Variants in LPA observed in about 807,000 individuals in gnomAD.
LPA encodes the protein apolipoprotein(a).
LPA carries 199 observed loss-of-function variants against 197.9 expected under a neutral mutation model. That is an observed-to-expected ratio of 1.01 (90% CI 0.90 to 1.13). LPA has a LOEUF of 1.13. LPA is among the 50% of genes most tolerant of loss of function. LPA has a pLI of 0.00. For missense variants in LPA, 1,853 were observed against 1,785.8 expected (o/e 1.04, Z -0.68); for synonymous variants, 715 against 639.5 (o/e 1.12, Z -1.78).
At chr6:160,610,683 G>C (rs1439227892) in intron 16 of LPA, among the ~76,000 whole-genome samples, 2 of 152,050 alleles carry the variant, frequency 1.3e-5, no homozygotes, top group Non-Finnish European at 2.9e-5. Flanking sequence ...AGCGGACCTA[G>C]AAAATACCAG....
At chr6:160,534,974 G>T (rs959893478) in intron 37 of LPA, among the ~76,000 whole-genome samples, 1 of 150,808 alleles carries the variant, frequency 6.6e-6, no homozygotes, top group Non-Finnish European at 1.5e-5. Flanking sequence ...GATGATGGTG[G>T]TGCTGGTGAT....
rs7755463 is a variant in LPA at position 160,591,238 on chromosome 6, C to T, written c.3630-137G>A. The T allele has an allele frequency of 0.024, 26,855 of 1,105,236 alleles. 4,015 individuals are homozygous for T. In the African/African-American group the frequency reaches 0.35, roughly 14 times the overall value. 68.5% of individuals were successfully genotyped at this position (1,105,236 alleles called of 1,614,324 possible). A position where few individuals can be genotyped will look rare whatever the true frequency, so the allele number is the denominator to read the frequency against. On this transcript the variant is annotated intron_variant, in intron 22 of 38. Coordinates refer to ENST00000316300, the MANE Select transcript of LPA (RefSeq NM_005577.4). Reference sequence around the variant, plus strand: ...CTCACTAAAGGTCCTGTAACAATCACAAATCGTCCTCAACTTCTAAACAAC... The same window carrying T: ...CTCACTAAAGGTCCTGTAACAATCATAAATCGTCCTCAACTTCTAAACAAC...
intron 18 of LPA, among the ~76,000 whole-genome samples, chr6:160,602,533 C>T (rs1238595287): frequency 2.0e-5 from 3 of 152,158 alleles, no homozygotes; most frequent in African/African-American, 4.8e-5. Context: ...GAAATTTGAT[C>T]AAGAAAATAT....
chr6:160,576,390 G>GTATATATA (rs140486548), intron 28 of LPA, among the ~76,000 whole-genome samples: 5 of 46,106 alleles, frequency 1.1e-4, no homozygotes, highest in Non-Finnish European at 1.6e-4. Context: ...ATATATATAT[G>GTATATATA]TATATATATA....
intron 36 of LPA, among the ~76,000 whole-genome samples, chr6:160,539,616 T>C (rs1401330239): frequency 6.6e-6 from 1 of 152,108 alleles, no homozygotes; most frequent in East Asian, 1.9e-4. Flanking sequence ...GTCAGCCTCC[T>C]GAATAGCAGT....
intron 28 of LPA, among the ~76,000 whole-genome samples, chr6:160,559,235 A>G (rs1263599245): frequency 6.6e-6 from 1 of 152,218 alleles, no homozygotes; most frequent in Non-Finnish European, 1.5e-5. Context: ...TTCAACAGAA[A>G]TTAGTTTTTC....
Position 160,606,519 on chromosome 6 carries a change from T to A in LPA, c.2743A>T (p.Thr915Ser), listed in dbSNP as rs200163192. The A allele has an allele frequency of 7.0e-5, 113 of 1,613,540 alleles. No individual in the cohort carries two copies. In the African/African-American group the frequency reaches 1.4e-3, roughly 19 times the overall value. ...DAEGTAVAPPTITPIPSLEAP... is the reference protein window; with the variant it reads ...DAEGTAVAPPSITPIPSLEAP... ...TCTAGGCTTGGAATCGGGGTAATAGTTGGAGGCGCGACGGCAGTCCCTTCT... is the reference window on the plus strand; with the variant it reads ...TCTAGGCTTGGAATCGGGGTAATAGATGGAGGCGCGACGGCAGTCCCTTCT... Residue 915 changes from threonine (T) to serine (S), a missense_variant, in exon 17 of 39, where the codon ACT becomes TCT. Thr to Ser is a moderately conservative substitution (Grantham distance 58, BLOSUM62 1). This residue lies in a region of LPA where 1,737 missense variants were observed against 1,504.4 expected (regional missense o/e 1.15). Transcript: ENST00000316300.
At chr6:160,547,640 G>A in intron 32 of LPA, 149 bp downstream of exon 32, 3 of 1,015,078 alleles carry the variant, frequency 3.0e-6, no homozygotes, top group East Asian at 2.5e-5. Flanking sequence ...CACGCGTGGG[G>A]CTTTGCTGGC....
At chr6:160,534,587 A>C (rs1332847107) in intron 37 of LPA, among the ~76,000 whole-genome samples, 1 of 152,196 alleles carries the variant, frequency 6.6e-6, no homozygotes, top group Non-Finnish European at 1.5e-5. Context: ...GGACACATGA[A>C]GGGGAGAGGG....
At position 160,633,773 on chromosome 6, in the gene LPA, G is replaced by A; in HGVS notation, c.1215C>T (p.Thr405=). Residue 405 remains threonine, a synonymous_variant, in exon 8 of 39, where the codon ACC becomes ACT. Coordinates refer to ENST00000316300, the MANE Select transcript of LPA (RefSeq NM_005577.4). The part of the protein sequence containing the change: ...SSMTPHSHSR[T]PEYYPNAGLI... The stretch of plus-strand genomic sequence containing the variant: ...CATACGCATTTGGGTAGTATTCTGG[G>A]GTCCGACTATGCGAGTGTGGTGTCA... 1.5e-6 allele frequency: 2 copies of A among 1,309,830 alleles called. 1 individual carries two copies. Among genetic ancestry groups the A allele is most frequent in the Non-Finnish European group, 2.1e-6 (2 of 956,530 alleles). The allele number at this position is 1,309,830 out of a possible 1,614,324, so 81.1% of individuals were successfully genotyped here.
chr6:160,626,450 TTGTGTGTGTGTG>T (rs141731887), intron 10 of LPA, among the ~76,000 whole-genome samples: 1 of 107,962 alleles, frequency 9.3e-6, no homozygotes, highest in South Asian at 3.0e-4. Flanking sequence ...TGTTTTCAGT[TTGTGTGTGTGTG>T]TGTGTGTGTG....
chr6:160,556,111 G>A lies in LPA; in HGVS notation c.4887C>T (p.Ser1629=). Residue 1629 remains serine (S), a synonymous_variant, in exon 30 of 39, where the codon TCC becomes TCT. Transcript: ENST00000316300. Reference sequence around the variant, plus strand: ...GACATGTCCTTCCTGTGACAGTGGTGGAGAATGTGCCTCGATAACTCTGGC... The same window carrying A: ...GACATGTCCTTCCTGTGACAGTGGTAGAGAATGTGCCTCGATAACTCTGGC... The part of the protein sequence containing the change: ...GNGQSYRGTF[S]TTVTGRTCQS... 6.2e-7 allele frequency: 1 copy of A among 1,613,990 alleles called. No homozygotes were observed. The highest frequency in any genetic ancestry group is 1.1e-5 in the South Asian group (1 of 91,080).
At chr6:160,563,907 A>G (rs1418286939) in intron 28 of LPA, among the ~76,000 whole-genome samples, 1 of 150,674 alleles carries the variant, frequency 6.6e-6, no homozygotes, top group Non-Finnish European at 1.5e-5. Flanking sequence ...TTTTCTTTCC[A>G]TTTGCTTGGT....
chr6:160,634,659 G>A (rs1356051771), intron 7 of LPA, among the ~76,000 whole-genome samples: 2 of 151,362 alleles, frequency 1.3e-5, no homozygotes, highest in Non-Finnish European at 2.9e-5. Flanking sequence ...ATAGACCCAG[G>A]ACCATATGGA....
At position 160,545,506 on chromosome 6, in the gene LPA, T is replaced by G; in HGVS notation, c.5332A>C (p.Asn1778His). The part of the protein sequence containing the change: ...NYCRNPDGDI[N>H]GPWCYTMNPR... ...TTCATTGTGTAGCACCAGGGACCAT[T>G]GATGTCACCATCAGGGTTACGGCAG... The change falls in exon 33 of 39, where the codon AAT becomes CAT. Residue 1778 changes from asparagine to histidine, a missense_variant. Around this residue, in one of 3 missense-constraint regions of LPA, gnomAD observed 1,737 missense variants for 1,504.4 expected, o/e 1.15. Coordinates refer to ENST00000316300, the MANE Select transcript of LPA (RefSeq NM_005577.4). 1 of 1,612,886 alleles carries G rather than the reference T, an allele frequency of 6.2e-7. No homozygotes were observed. Among genetic ancestry groups the G allele is most frequent in the Non-Finnish European group, 8.5e-7 (1 of 1,179,458 alleles).
At position 160,590,935 on chromosome 6, in the gene LPA, A is replaced by G. The variant is rs756487300; in HGVS notation, c.3787+9T>C. On this transcript the variant is annotated intron_variant, in intron 23 of 38. Coordinates refer to ENST00000316300, the MANE Select transcript of LPA (RefSeq NM_005577.4). The stretch of plus-strand genomic sequence containing the variant: ...CAAGGGTGTGGTTGTCTGGCCAGAG[A>G]CTTCTTACCTTGTTCAGAAACAGCC... The G allele has an allele frequency of 5.0e-6, 8 of 1,613,870 alleles. No individual in the cohort carries two copies. In the Admixed American group the frequency reaches 1.3e-4, roughly 27 times the overall value.
intron 2 of LPA, among the ~76,000 whole-genome samples, chr6:160,649,234 T>G (rs2115097319): frequency 6.6e-6 from 1 of 152,304 alleles, no homozygotes; most frequent in East Asian, 1.9e-4. Context: ...CTCCTCTGTG[T>G]GGTCCAAACT....
chr6:160,654,021 ATATATAATATATAT>A lies in LPA; in HGVS notation c.50-3538_50-3525del, dbSNP rs1562354805. 1.4e-3 allele frequency among the ~76,000 whole-genome samples: 5 copies of A among 3,466 alleles called. 2 individuals carry two copies. Among genetic ancestry groups the A allele is most frequent in the African/African-American group, 3.0e-3 (5 of 1,660 alleles). The allele number at this position is 3,466 out of a possible 152,430, so 2.3% of individuals were successfully genotyped here. ...TTATATATAATATATATTATATATA[ATATATAATATATAT>A]TATATATAATATATAATATATTATA... On this transcript the variant is annotated intron_variant, in intron 1 of 38. Coordinates refer to ENST00000316300, the MANE Select transcript of LPA (RefSeq NM_005577.4).
intron 2 of LPA, among the ~76,000 whole-genome samples, chr6:160,647,537 G>C (rs1425393504): frequency 6.6e-6 from 1 of 152,158 alleles, no homozygotes. Flanking sequence ...CTAAGAGCCA[G>C]AGCTCTTTAA....
Sources: gnomAD v4.1 joint callset for allele counts (sites outside exome capture counted in the v4.1 genomes callset) on GRCh38, gnomAD v4.1.1 for gene constraint, gnomAD v4.1.1 regional missense constraint, MANE v1.5 for transcripts, NCBI Gene and HGNC (gene_info 2026-07-23, HGNC 2026-07-21) for gene names.